The following IPPK variants were observed in gnomAD, a reference collection of about 807,000 sequenced individuals.
IPPK encodes inositol-pentakisphosphate 2-kinase.
In IPPK, 22 loss-of-function variants were observed where a neutral mutation model predicts 64.6. The ratio of observed to expected loss-of-function variants is 0.34; its 90% CI spans 0.24 to 0.49. IPPK has a LOEUF of 0.49. IPPK is among the 20% of genes least tolerant of loss of function. The pLI is 0.99. For synonymous variants in IPPK, 262 were observed against 247.2 expected, an observed-to-expected ratio of 1.06 and a Z score of -0.56; for missense variants, 532 against 630.7, an observed-to-expected ratio of 0.84 and a Z score of 1.68.
rs1010713641 is a variant in IPPK, at chr9:92,656,339, T to TG, written c.225+116dup. On this transcript the variant is annotated intron_variant, in intron 3 of 12. Coordinates refer to ENST00000287996, the MANE Select transcript of IPPK (RefSeq NM_022755.6). ...CCCAGCACAGCAAATGAGAAACACTTGGAGACTAGCTGGACGCGGGTTATC... is the reference window on the plus strand; with the variant it reads ...CCCAGCACAGCAAATGAGAAACACTTGGGAGACTAGCTGGACGCGGGTTATC... 2.7e-4 allele frequency: 192 copies of TG among 699,038 alleles called. No individual in the cohort carries two copies. The Admixed American group carries it at 3.7e-3, about 13-fold the overall frequency. The allele number at this position is 699,038 out of a possible 1,614,324, so 43.3% of individuals were successfully genotyped here.
chr9:92,640,769 TTC>T lies in IPPK; in HGVS notation c.575_576del (p.Arg192AsnfsTer20), dbSNP rs1564033416. On this transcript the variant is annotated frameshift_variant, in exon 8 of 13. Coordinates refer to ENST00000287996, the MANE Select transcript of IPPK (RefSeq NM_022755.6). LOFTEE classifies it high-confidence loss of function. ...PLDLYSGNKQ[R>X]MHFALKSLLQ... is the part of the protein sequence containing the mutation. ...AGCAAACTCTTCAAGGCAAAGTGCA[TTC>T]TCTGTTTGTTTCTAAAAGGGAAAAG... 6.2e-7 allele frequency: 1 copy of T among 1,611,820 alleles called. No homozygotes were observed. The highest frequency in any genetic ancestry group is 8.5e-7 in the Non-Finnish European group (1 of 1,177,970).
intron 12 of IPPK, chr9:92,618,317 T>C (rs1182765869): frequency 2.2e-6 from 1 of 456,666 alleles, no homozygotes; most frequent in South Asian, 1.5e-5. Context: ...CCTCCTAGTG[T>C]CGTTTCTGCT....
Position 92,669,962 on chromosome 9 carries a change from A to G in IPPK, c.27T>C (p.Asn9=). The change falls in exon 1 of 13, where the codon AAT becomes AAC. Residue 9 remains asparagine (N), a synonymous_variant. Coordinates refer to ENST00000287996, the MANE Select transcript of IPPK (RefSeq NM_022755.6). MEEGKMDE[N]EWGYHGEGNK... is the part of the protein sequence containing the mutation. ...TGCCCTCTCCGTGGTACCCCCATTCATTCTCGTCCATCTTCCCCTCTTCCA... is the reference window on the plus strand; with the variant it reads ...TGCCCTCTCCGTGGTACCCCCATTCGTTCTCGTCCATCTTCCCCTCTTCCA... 1.2e-6 allele frequency: 2 copies of G among 1,613,038 alleles called. No individual in the cohort carries two copies. The highest frequency in any genetic ancestry group is 1.7e-6 in the Non-Finnish European group (2 of 1,179,482).
At position 92,615,442 on chromosome 9, in the gene IPPK, T is replaced by C. The variant is rs1359665156; in HGVS notation, c.*390A>G. 3 of 190,318 alleles carry C rather than the reference T, an allele frequency of 1.6e-5. No homozygotes were observed. The South Asian group carries it at 3.2e-4, about 20-fold the overall frequency. The allele number at this position is 190,318 out of a possible 1,614,324, so 11.8% of individuals were successfully genotyped here. ...TTAAAAGTCCAAACTGTAAAATGTA[T>C]GTGACAATTCAAGTTTTCTATGTTA... is the stretch of plus-strand genomic sequence containing the variant. On this transcript the variant is annotated 3_prime_UTR_variant, in exon 13 of 13. Coordinates refer to ENST00000287996, the MANE Select transcript of IPPK (RefSeq NM_022755.6).
chr9:92,640,575 T>C, intron 8 of IPPK, 135 bp downstream of exon 8: 2 of 706,296 alleles, frequency 2.8e-6, no homozygotes, highest in Non-Finnish European at 5.2e-6. Context: ...ACTGAACCAG[T>C]CAGGGCATGA....
In IPPK at chr9:92,615,826, A is replaced by G. The variant is rs779765078; in HGVS notation, c.*6T>C. The G allele has an allele frequency of 5.0e-6, 8 of 1,599,416 alleles. No homozygotes were observed. The Admixed American group carries it at 1.0e-4, about 20-fold the overall frequency. On this transcript the variant is annotated 3_prime_UTR_variant, in exon 13 of 13. Coordinates refer to ENST00000287996, the MANE Select transcript of IPPK (RefSeq NM_022755.6). ...TTCAAGTTTCAAAGACACTGCAGGG[A>G]AAGAGTTAGACCTTGTGGAGAACTA...
At chr9:92,624,016 A>C (rs559924929) in intron 11 of IPPK, among the ~76,000 whole-genome samples, 3 of 152,368 alleles carry the variant, frequency 2.0e-5, no homozygotes, top group Non-Finnish European at 4.4e-5. Flanking sequence ...GGTTCTTGGG[A>C]AACTGTGACT....
chr9:92,623,231 G>A (rs1055309079), intron 11 of IPPK, among the ~76,000 whole-genome samples: 1 of 152,064 alleles, frequency 6.6e-6, no homozygotes, highest in African/African-American at 2.4e-5. Context: ...TCAGGAGATC[G>A]AGACCATCCT....
intron 12 of IPPK, chr9:92,619,284 T>C: frequency 1.8e-6 from 1 of 563,954 alleles, no homozygotes; most frequent in South Asian, 2.3e-5. Flanking sequence ...TTATTCTCCA[T>C]AAATCTGTCT....
chr9:92,655,760 C>T (rs1245236065), intron 3 of IPPK, among the ~76,000 whole-genome samples: 1 of 152,216 alleles, frequency 6.6e-6, no homozygotes, highest in Non-Finnish European at 1.5e-5. Context: ...CTGCATGAAT[C>T]TTCCTAACAG....
chr9:92,653,951 G>A (rs773000049), intron 3 of IPPK, among the ~76,000 whole-genome samples: 2 of 152,222 alleles, frequency 1.3e-5, no homozygotes, highest in East Asian at 1.9e-4. Flanking sequence ...CACGCATGCC[G>A]ACTCTGGATG....
chr9:92,636,953 G>T (rs10992386), intron 9 of IPPK, among the ~76,000 whole-genome samples: 7,231 of 151,948 alleles, frequency 0.048, 817 homozygotes, highest in East Asian at 0.42. Context: ...CAGATTATAG[G>T]CATAATTTTA....
At chr9:92,619,458 G>C (rs751093223) in intron 12 of IPPK, 28 bp downstream of exon 12, 1 of 1,546,192 alleles carries the variant, frequency 6.5e-7, no homozygotes, top group Admixed American at 1.9e-5. Context: ...TTAGACCCAG[G>C]CTGCATGCCT....
intron 11 of IPPK, among the ~76,000 whole-genome samples, chr9:92,632,603 C>G (rs893146048): frequency 1.1e-4 from 17 of 152,222 alleles, no homozygotes; most frequent in Non-Finnish European, 2.4e-4. Flanking sequence ...CCTAAATCAA[C>G]GTACCCAACT....
At chr9:92,659,594 A>C (rs1246810003) in intron 1 of IPPK, among the ~76,000 whole-genome samples, 1 of 152,174 alleles carries the variant, frequency 6.6e-6, no homozygotes, top group East Asian at 1.9e-4. Flanking sequence ...CTCTAACGGC[A>C]GTGCAAAGGT....
At chr9:92,650,514 G>GT (rs1485980141) in intron 4 of IPPK, among the ~76,000 whole-genome samples, 1 of 152,066 alleles carries the variant, frequency 6.6e-6, no homozygotes, top group East Asian at 1.9e-4. Flanking sequence ...GAGCTTCCTG[G>GT]TGGGCACACT....
intron 11 of IPPK, chr9:92,619,913 G>A (rs1851573698): frequency 6.3e-6 from 2 of 315,548 alleles, no homozygotes; most frequent in Non-Finnish European, 6.2e-6. Context: ...CCTGAGCCCC[G>A]CATGTTGGCC....
At chr9:92,623,201 G>A (rs533001551) in intron 11 of IPPK, among the ~76,000 whole-genome samples, 7 of 152,222 alleles carry the variant, frequency 4.6e-5, no homozygotes, top group East Asian at 3.9e-4. Context: ...TTGGGAGGCC[G>A]AGGCAAGCGG....
At chr9:92,639,688 T>C (rs1321154591) in intron 8 of IPPK, among the ~76,000 whole-genome samples, 2 of 152,166 alleles carry the variant, frequency 1.3e-5, no homozygotes, top group Admixed American at 6.5e-5. Flanking sequence ...AAATCCCTGA[T>C]GAAACAGAAT....
Sources: allele counts gnomAD v4.1 joint callset (sites outside exome capture counted in the v4.1 genomes callset), GRCh38; gene constraint gnomAD v4.1.1; transcripts MANE v1.5; gene names NCBI Gene and HGNC (gene_info 2026-07-23, HGNC 2026-07-21).